The following STRN4 variants were observed in gnomAD, a reference collection of about 807,000 sequenced individuals.
STRN4 encodes striatin 4, also known as striatin-4.
A neutral mutation model predicts 77.9 loss-of-function variants in STRN4; 27 were observed. That is an observed-to-expected ratio of 0.35 (90% confidence interval 0.26 to 0.48). The LOEUF is 0.48. Among genes scored for constraint, STRN4 ranks in the 20% least tolerant of loss-of-function variants. The pLI, the probability that STRN4 is intolerant of heterozygous loss-of-function variation, is 0.99. For missense variants in STRN4, 798 were observed against 1,049.7 expected, an observed-to-expected ratio of 0.76 and a Z score of 3.31; for synonymous variants, 466 against 443.1, an observed-to-expected ratio of 1.05 and a Z score of -0.65.
intron 1 of STRN4, 69 bp downstream of exon 1, chr19:46,746,080 G>A (rs1413784507): frequency 1.5e-6 from 2 of 1,327,724 alleles, no homozygotes; most frequent in East Asian, 3.3e-5. Flanking sequence ...TGGCGGCGGC[G>A]GCGGCAGCGG....
chr19:46,723,020 A>G lies in STRN4; in HGVS notation c.1766-70T>C, dbSNP rs2122227861. On this transcript the variant is annotated intron_variant, in intron 13 of 17. Coordinates refer to ENST00000263280, the MANE Select transcript of STRN4 (RefSeq NM_013403.3). The surrounding 1 kb of genome is among the most constrained non-coding windows in gnomAD (Gnocchi z 5.5). ...CCAGCCCTGCCCCAGGGTGGGGGACAGTGGGTGGGAGGCCTGGGGCCTCAG... is the reference window on the plus strand; with the variant it reads ...CCAGCCCTGCCCCAGGGTGGGGGACGGTGGGTGGGAGGCCTGGGGCCTCAG... The G allele has an allele frequency of 4.4e-6, 7 of 1,598,960 alleles. No individual in the cohort carries two copies. Among genetic ancestry groups the G allele is most frequent in the Non-Finnish European group, 4.3e-6 (5 of 1,171,294 alleles).
At chr19:46,742,720 G>T (rs1009592564) in intron 1 of STRN4, among the ~76,000 whole-genome samples, 2 of 151,978 alleles carry the variant, frequency 1.3e-5, no homozygotes, top group African/African-American at 4.8e-5. Flanking sequence ...CCACCACCAC[G>T]CCCGACTAAT....
chr19:46,728,178 G>A (rs1296912953), intron 7 of STRN4, 171 bp from the exon 8 acceptor site: 46 of 726,240 alleles, frequency 6.3e-5, no homozygotes, highest in Non-Finnish European at 1.1e-4. Flanking sequence ...GGGCCCCTCC[G>A]TGGGGCAGTG....
chr19:46,728,966 C>T (rs313845), intron 6 of STRN4, 189 bp from the exon 7 acceptor site: 498,983 of 720,994 alleles, frequency 0.69, 174,752 homozygotes, highest in African/African-American at 0.8. Context: ...TAGGGCCGGT[C>T]GGCCTGACCC....
At chr19:46,728,978 AC>A in intron 6 of STRN4, 2 of 603,912 alleles carry the variant, frequency 3.3e-6, no homozygotes, top group Non-Finnish European at 2.8e-6. Context: ...GCCTGACCCC[AC>A]CCTCACGCAG....
chr19:46,744,032 G>C (rs2054523268), intron 1 of STRN4, among the ~76,000 whole-genome samples: 1 of 152,012 alleles, frequency 6.6e-6, no homozygotes, highest in South Asian at 2.1e-4. Context: ...TTCCTCTCCT[G>C]ATTTTTTTTA....
At chr19:46,727,693 T>G in intron 8 of STRN4, 147 bp from the exon 9 acceptor site, 1 of 772,980 alleles carries the variant, frequency 1.3e-6, no homozygotes, top group South Asian at 1.7e-5. Flanking sequence ...GAATCACAGC[T>G]GGAAAGAGAC....
chr19:46,725,354 T>C lies in STRN4; in HGVS notation c.1450A>G (p.Ile484Val), dbSNP rs746768807. ...TACCTGTGAGCCCGGAAAGCATGTA[T>C]AGGTTCCACATCTAGCGCCGCATTC... The part of the protein sequence containing the change: ...KKNAALDVEP[I>V]HAFRAHRGPV... The change falls in exon 11 of 18, where the codon ATA (isoleucine) becomes GTA (valine). Residue 484 changes from isoleucine (I) to valine (V), a missense_variant. Around this residue, in one of 2 missense-constraint regions of STRN4, gnomAD observed 287 missense variants for 473.8 expected, o/e 0.61. Transcript: ENST00000263280. 53 of 1,614,040 alleles carry C rather than the reference T, an allele frequency of 3.3e-5. No homozygotes were observed. The highest frequency in any genetic ancestry group is 4.4e-5 in the Non-Finnish European group (52 of 1,180,034).
chr19:46,727,417 A>G, intron 9 of STRN4, 35 bp downstream of exon 9: 1 of 1,580,084 alleles, frequency 6.3e-7, no homozygotes, highest in Non-Finnish European at 8.7e-7. Context: ...CGCAATGCCA[A>G]TGGGGACAGT....
rs2122396208 is a variant in STRN4 at position 46,741,982 on chromosome 19, T to C, written c.283-3094A>G. The stretch of plus-strand genomic sequence containing the variant: ...CGCACTCACTGCAGGTCCCTGTCGC[T>C]GCTCCTATACAAATCTCCAGTTCAG... On this transcript the variant is annotated intron_variant, in intron 1 of 17. Transcript: ENST00000263280. This position sits in a 1 kb window ranked among gnomAD's most constrained non-coding sequence, Gnocchi z 4.9. Among the ~76,000 whole-genome samples the C allele has an allele frequency of 6.6e-6, 1 of 152,344 alleles. No individual in the cohort carries two copies. The highest frequency in any genetic ancestry group is 1.5e-5 in the Non-Finnish European group (1 of 68,034).
chr19:46,746,110 G>A (rs749236827), intron 1 of STRN4, 39 bp downstream of exon 1: 51 of 1,452,348 alleles, frequency 3.5e-5, no homozygotes, highest in Non-Finnish European at 4.5e-5. Flanking sequence ...GGCCGGGCCG[G>A]GCCGGGTTGG....
At chr19:46,728,906 G>C in intron 6 of STRN4, 129 bp from the exon 7 acceptor site, 1 of 1,385,116 alleles carries the variant, frequency 7.2e-7, no homozygotes, top group Non-Finnish European at 9.7e-7. Context: ...TCAGCCGCCA[G>C]CCAGCTGCCC....
At chr19:46,742,987 A>C (rs1198102898) in intron 1 of STRN4, among the ~76,000 whole-genome samples, 1 of 152,238 alleles carries the variant, frequency 6.6e-6, no homozygotes, top group East Asian at 1.9e-4. Context: ...AAAAATCTAA[A>C]AGTCCACCAA....
intron 5 of STRN4, 75 bp downstream of exon 5, chr19:46,732,964 C>A: frequency 6.6e-7 from 1 of 1,524,992 alleles, no homozygotes; most frequent in Non-Finnish European, 8.9e-7. Context: ...GCGCCATCAG[C>A]TGACACTCTG....
At position 46,725,457 on chromosome 19, in the gene STRN4, A is replaced by C. The variant is rs775891311; in HGVS notation, c.1424+16T>G. On this transcript the variant is annotated intron_variant, in intron 10 of 17. Coordinates refer to ENST00000263280, the MANE Select transcript of STRN4 (RefSeq NM_013403.3). ...CCAGATGCCCCTGCCCCCGGCTCTG[A>C]GCTTGCTGCCCTCACTTCTTGGCCG... 1 of 1,613,458 alleles carries C rather than the reference A, an allele frequency of 6.2e-7. No individual in the cohort carries two copies. The highest frequency in any genetic ancestry group is 8.5e-7 in the Non-Finnish European group (1 of 1,179,862).
intron 1 of STRN4, 90 bp downstream of exon 1, chr19:46,746,059 T>A: frequency 1.1e-4 from 100 of 927,910 alleles, no homozygotes; most frequent in East Asian, 1.1e-4. Context: ...CCGGCGGCCA[T>A]TGCTCCAAGA....
At chr19:46,743,432 G>A (rs2054508559) in intron 1 of STRN4, among the ~76,000 whole-genome samples, 1 of 152,230 alleles carries the variant, frequency 6.6e-6, no homozygotes, top group South Asian at 2.1e-4. Flanking sequence ...CCTCCAGGAT[G>A]AGAAGATGGT....
chr19:46,725,493 C>T lies in STRN4; in HGVS notation c.1404G>A (p.Gln468=), dbSNP rs1791736411. Residue 468 remains glutamine, a synonymous_variant, in exon 10 of 18, where the codon CAG becomes CAA. Transcript: ENST00000263280. ...CTCACTTCTTGGCCGTGACCGCCTT[C>T]TGCAGGTTCCAGAGCTTGAGCGTGC... ...EDGTLKLWNL[Q]KAVTAKKNAA... is the part of the protein sequence containing the mutation. 1 of 1,613,998 alleles carries T rather than the reference C, an allele frequency of 6.2e-7. No individual in the cohort carries two copies. Among genetic ancestry groups the T allele is most frequent in the African/African-American group, 1.3e-5 (1 of 74,932 alleles).
intron 6 of STRN4, 93 bp from the exon 7 acceptor site, chr19:46,728,870 G>C: frequency 1.3e-5 from 20 of 1,536,994 alleles, no homozygotes; most frequent in Non-Finnish European, 1.7e-5. Flanking sequence ...CGGGGCTCTG[G>C]GCCCGTTTCT....
Sources: allele counts gnomAD v4.1 joint callset (sites outside exome capture counted in the v4.1 genomes callset), GRCh38; gene constraint gnomAD v4.1.1; regional missense constraint gnomAD v4.1.1; non-coding constraint Gnocchi (gnomAD v3.1); transcripts MANE v1.5; gene names NCBI Gene and HGNC (gene_info 2026-07-23, HGNC 2026-07-21).